The following HELZ2 variants were observed in gnomAD, a reference collection of about 807,000 sequenced individuals.
HELZ2 encodes 3'-5' exoribonuclease HELZ2.
Under a neutral mutation model 208.8 loss-of-function variants are expected in HELZ2, and 143 were observed. The observed-to-expected ratio is 0.68, with a 90% CI of 0.60 to 0.79. The LOEUF (loss-of-function observed/expected upper bound fraction) is 0.79, where lower values mean the gene tolerates loss of function less well. Among genes scored for constraint, HELZ2 ranks in the 30% least tolerant of loss-of-function variants. The pLI is 0.00. For synonymous variants in HELZ2, 1,705 were observed against 1,693.7 expected (o/e 1.01, Z -0.16); for missense variants, 3,690 against 3,794.5 (o/e 0.97, Z 0.72).
exon 8 of HELZ2, chr20:63,566,143 G>A (rs552291290): frequency 5.7e-5 from 90 of 1,565,336 alleles, no homozygotes; most frequent in Admixed American, 1.2e-4. Context: ...CGCGGGCGTC[G>A]GTGAAGAACT....
exon 8 of HELZ2, chr20:63,564,045 C>T (rs1381073929): frequency 1.1e-5 from 18 of 1,604,728 alleles, no homozygotes; most frequent in South Asian, 2.2e-5. Context: ...AGCCGCGTGT[C>T]GGGGGGACTG....
chr20:63,561,339 C>G lies in HELZ2; in HGVS notation c.6953+11G>C. The G allele has an allele frequency of 1.2e-6, 2 of 1,612,906 alleles. No homozygotes were observed. Among genetic ancestry groups the G allele is most frequent in the Non-Finnish European group, 8.5e-7 (1 of 1,179,924 alleles). ...TGCAGGCAGCTCCACCCCCTGGCCCCTGCCACTTACCAGACCAGGTCCTCC... is the reference window on the plus strand; with the variant it reads ...TGCAGGCAGCTCCACCCCCTGGCCCGTGCCACTTACCAGACCAGGTCCTCC... On this transcript the variant is annotated intron_variant, in intron 13 of 18. Coordinates refer to ENST00000467148, the Ensembl canonical transcript of HELZ2.
At chr20:63,568,611 G>T in exon 5 of HELZ2, 1 of 1,600,270 alleles carries the variant, frequency 6.2e-7, no homozygotes. Context: ...GGCACCACCA[G>T]CTGCTCCTCA....
exon 8 of HELZ2, chr20:63,564,204 G>A: frequency 6.2e-7 from 1 of 1,611,822 alleles, no homozygotes; most frequent in Non-Finnish European, 8.5e-7. Context: ...CTGCCCACCA[G>A]GAACTCAGCC....
chr20:63,568,906 C>T (rs542686560), exon 5 of HELZ2: 1 of 1,610,934 alleles, frequency 6.2e-7, no homozygotes, highest in East Asian at 2.2e-5. Context: ...GGACGGGGAC[C>T]TCTGCGTACA....
At chr20:63,561,216 G>T (rs2082882519) in exon 14 of HELZ2, 1 of 1,612,920 alleles carries the variant, frequency 6.2e-7, no homozygotes, top group Non-Finnish European at 8.5e-7. Flanking sequence ...CAGGTGCAGA[G>T]GATGACCTCA....
At chr20:63,562,288 C>A in exon 9 of HELZ2, 1 of 1,598,262 alleles carries the variant, frequency 6.3e-7, no homozygotes. Flanking sequence ...GCAGACCTAC[C>A]TCTGCAGAGG....
At chr20:63,566,758 A>G in intron 6 of HELZ2, 86 bp downstream of exon 7, 1 of 1,292,718 alleles carries the variant, frequency 7.7e-7, no homozygotes, top group Non-Finnish European at 1.1e-6. Context: ...GGGGAAACTG[A>G]GGCGGGGGCT....
exon 2 of HELZ2, chr20:63,570,728 C>T (rs371900608): frequency 9.3e-6 from 15 of 1,606,556 alleles, no homozygotes; most frequent in Middle Eastern, 1.7e-4. Flanking sequence ...GGCCAGCAGC[C>T]GCTCCTGGTA....
chr20:63,569,810 C>T, intron 3 of HELZ2, 145 bp from the exon 5 acceptor site: 1 of 945,958 alleles, frequency 1.1e-6, no homozygotes. Flanking sequence ...CACCCGGCCT[C>T]TGCCATCCTC....
chr20:63,561,512 G>C (rs771334807), intron 12 of HELZ2, 46 bp from the exon 14 acceptor site: 1 of 1,578,914 alleles, frequency 6.3e-7, no homozygotes, highest in South Asian at 1.2e-5. Flanking sequence ...GGGCCATCAC[G>C]GGGGCAGAGC....
chr20:63,567,644 AG>A lies in HELZ2; in HGVS notation c.1731-18del. The A allele has an allele frequency of 6.3e-7, 1 of 1,594,496 alleles. No individual in the cohort carries two copies. The highest frequency in any genetic ancestry group is 1.3e-5 in the African/African-American group (1 of 74,830). Reference sequence around the variant, plus strand: ...TCGGCGGCACTGCGGGAGGGGGAGGAGCTCATGGGCTTCTTGCTGGGGGCCT... The same window carrying A: ...TCGGCGGCACTGCGGGAGGGGGAGGACTCATGGGCTTCTTGCTGGGGGCCT... On this transcript the variant is annotated intron_variant, in intron 5 of 18. Coordinates refer to ENST00000467148, the Ensembl canonical transcript of HELZ2.
chr20:63,563,836 C>A (rs1464765780), exon 8 of HELZ2: 1 of 1,596,770 alleles, frequency 6.3e-7, no homozygotes, highest in Admixed American at 1.7e-5. Context: ...CCACCTGCAG[C>A]GAGTAGTGGC....
At chr20:63,567,623 C>T (rs2146019628) in exon 6 of HELZ2, 4 of 1,598,894 alleles carry the variant, frequency 2.5e-6, no homozygotes, top group Non-Finnish European at 2.6e-6. Flanking sequence ...TAGATGTCGG[C>T]GGCACTGCGG....
chr20:63,562,849 G>A (rs779909353), exon 8 of HELZ2: 74 of 1,609,002 alleles, frequency 4.6e-5, no homozygotes, highest in South Asian at 3.9e-4. Flanking sequence ...CGAGGAAGGC[G>A]GCCTCCAGGC....
chr20:63,568,449 C>T, exon 5 of HELZ2: 1 of 1,602,210 alleles, frequency 6.2e-7, no homozygotes, highest in Non-Finnish European at 8.5e-7. Context: ...TTGCCGGTGC[C>T]AAAGGGGCCA....
chr20:63,569,585 G>A (rs767750346), exon 4 of HELZ2: 4 of 1,580,216 alleles, frequency 2.5e-6, no homozygotes, highest in Non-Finnish European at 2.6e-6. Context: ...CGTAGAGCCG[G>A]CCTGGCGGGA....
exon 6 of HELZ2, chr20:63,567,331 T>A: frequency 6.2e-7 from 1 of 1,608,006 alleles, no homozygotes; most frequent in Non-Finnish European, 8.5e-7. Flanking sequence ...GGTGAGGGCC[T>A]CGCACTCCAG....
At chr20:63,560,205 G>A (rs3810479) in exon 17 of HELZ2, 264,318 of 1,395,184 alleles carry the variant, frequency 0.19, 24,658 homozygotes, top group East Asian at 0.42. Flanking sequence ...CGGCCACCCC[G>A]GCGATGCCCT....
Sources: allele counts gnomAD v4.1 joint callset, GRCh38; gene constraint gnomAD v4.1.1; transcripts MANE v1.5; gene names NCBI Gene and HGNC (gene_info 2026-07-23, HGNC 2026-07-21).